LARP4: variants seen among roughly 807,000 people sequenced by gnomAD.
LARP4 encodes la-related protein 4.
In LARP4, 29 loss-of-function variants were observed where a neutral mutation model predicts 92.9. That is an observed-to-expected ratio of 0.31 (90% CI 0.23 to 0.43). The LOEUF is 0.43. LARP4 is among the 20% of genes least tolerant of loss of function. The pLI is 1.00. For missense variants in LARP4, 732 were observed against 860.0 expected (o/e 0.85, Z 1.86); for synonymous variants, 279 against 284.1 (o/e 0.98, Z 0.18).
intron 1 of LARP4, among the ~76,000 whole-genome samples, chr12:50,423,958 G>T (rs1445409380): frequency 6.6e-6 from 1 of 151,438 alleles, no homozygotes; most frequent in Non-Finnish European, 1.5e-5. Context: ...GTTTCACCAT[G>T]TTGGCCAGGC....
intron 8 of LARP4, among the ~76,000 whole-genome samples, chr12:50,452,830 T>C (rs1449558626): frequency 6.6e-6 from 1 of 152,186 alleles, no homozygotes; most frequent in Non-Finnish European, 1.5e-5. Flanking sequence ...ACAATTCGTG[T>C]ATTAGAGATA....
At chr12:50,456,015 G>A (rs531877885) in intron 10 of LARP4, among the ~76,000 whole-genome samples, 5 of 152,192 alleles carry the variant, frequency 3.3e-5, no homozygotes, top group African/African-American at 9.6e-5. Context: ...TCATACCACT[G>A]CACTCCAGCC....
At chr12:50,453,346 C>G (rs1953621871) in intron 8 of LARP4, 114 bp from the exon 9 acceptor site, 5 of 575,884 alleles carry the variant, frequency 8.7e-6, no homozygotes, top group Admixed American at 3.0e-5. Context: ...TCTACTGATT[C>G]TACTGTAGGC....
chr12:50,463,569 A>G (rs954788887), intron 12 of LARP4, among the ~76,000 whole-genome samples: 12 of 152,248 alleles, frequency 7.9e-5, no homozygotes, highest in African/African-American at 2.9e-4. Context: ...CCTGAGCAAC[A>G]GAGTGAGACT....
At chr12:50,415,986 C>T (rs745522672) in intron 1 of LARP4, among the ~76,000 whole-genome samples, 18 of 151,950 alleles carry the variant, frequency 1.2e-4, no homozygotes, top group Non-Finnish European at 8.8e-5. Flanking sequence ...GGATTATAGG[C>T]GTGAGCCACC....
chr12:50,467,331 G>GTT (rs774353872), intron 13 of LARP4, among the ~76,000 whole-genome samples: 6 of 136,630 alleles, frequency 4.4e-5, no homozygotes, highest in Admixed American at 7.3e-5. Flanking sequence ...GCATGTCTTT[G>GTT]TTTTTTTTTT....
Position 50,400,939 on chromosome 12 carries a change from C to T in LARP4, c.-72C>T. 1 of 1,605,358 alleles carries T rather than the reference C, an allele frequency of 6.2e-7. No individual in the cohort carries two copies. Among genetic ancestry groups the T allele is most frequent in the Non-Finnish European group, 8.5e-7 (1 of 1,171,988 alleles). ...AGGCGAGTGTGTGTCCTTATCCTAG[C>T]AATTGGGGCGCGGGCCTGTGAGCCA... On this transcript the variant is annotated 5_prime_UTR_variant, in exon 1 of 16. Coordinates refer to ENST00000398473, the MANE Select transcript of LARP4 (RefSeq NM_052879.5).
chr12:50,466,049 T>G (rs1377223904), intron 12 of LARP4, among the ~76,000 whole-genome samples: 6 of 152,092 alleles, frequency 3.9e-5, no homozygotes, highest in Non-Finnish European at 7.4e-5. Context: ...AAAAATGTGT[T>G]CCCAAGGAAA....
intron 5 of LARP4, 80 bp downstream of exon 5, chr12:50,435,704 T>C (rs1024632131): frequency 1.0e-6 from 1 of 988,842 alleles, no homozygotes; most frequent in African/African-American, 1.6e-5. Flanking sequence ...TATAGGGAAT[T>C]ATTTTTACTG....
chr12:50,462,562 C>A lies in LARP4; in HGVS notation c.1335-20C>A, dbSNP rs531687103. ...TTGTCCCTCCACCCCACCCCACCCCCACCTTTTTCTTATTAAAAGGAGAAC... is the reference window on the plus strand; with the variant it reads ...TTGTCCCTCCACCCCACCCCACCCCAACCTTTTTCTTATTAAAAGGAGAAC... On this transcript the variant is annotated intron_variant, in intron 11 of 15. Coordinates refer to ENST00000398473, the MANE Select transcript of LARP4 (RefSeq NM_052879.5). 2 of 1,454,608 alleles carry A rather than the reference C, an allele frequency of 1.4e-6. No homozygotes were observed. Among genetic ancestry groups the A allele is most frequent in the African/African-American group, 1.4e-5 (1 of 70,458 alleles). 90.1% of individuals were successfully genotyped at this position (1,454,608 alleles called of 1,614,324 possible). A position where few individuals can be genotyped will look rare whatever the true frequency, so the allele number is the denominator to read the frequency against.
intron 1 of LARP4, among the ~76,000 whole-genome samples, chr12:50,417,902 C>T (rs1947107347): frequency 1.3e-5 from 2 of 152,170 alleles, no homozygotes. Flanking sequence ...CTCCTGTTAC[C>T]CAGGCTGCAG....
rs1955364752 is a variant in LARP4 at position 50,461,434 on chromosome 12, G to A, written c.1334+87G>A. The A allele has an allele frequency of 3.3e-6, 4 of 1,222,338 alleles. No individual in the cohort carries two copies. The South Asian group carries it at 4.0e-5, about 12-fold the overall frequency. The allele number at this position is 1,222,338 out of a possible 1,614,324, so 75.7% of individuals were successfully genotyped here. A position where few individuals can be genotyped will look rare whatever the true frequency, so the allele number is the denominator to read the frequency against. ...AACATGATCTTCATAATAATTAAAT[G>A]AGCATTTAATTATTGGTATATGGTT... On this transcript the variant is annotated intron_variant, in intron 11 of 15. Coordinates refer to ENST00000398473, the MANE Select transcript of LARP4 (RefSeq NM_052879.5).
chr12:50,435,426 A>T, intron 4 of LARP4, 62 bp from the exon 5 acceptor site: 4 of 976,092 alleles, frequency 4.1e-6, no homozygotes, highest in Non-Finnish European at 4.8e-6. Context: ...AGTGAGTAAG[A>T]TACCTCTTGT....
At chr12:50,434,544 G>A (rs988296016) in intron 4 of LARP4, among the ~76,000 whole-genome samples, 3 of 150,380 alleles carry the variant, frequency 2.0e-5, no homozygotes, top group Admixed American at 2.0e-4. Flanking sequence ...TCAGCACCCC[G>A]AGTAGCACCC....
chr12:50,473,708 A>G (rs192922087), intron 14 of LARP4, among the ~76,000 whole-genome samples, 172 bp downstream of exon 14: 3,801 of 149,622 alleles, frequency 0.025, 150 homozygotes, highest in African/African-American at 0.089. Context: ...TCTACTAAAA[A>G]TACAAAAATT....
intron 15 of LARP4, 57 bp downstream of exon 15, chr12:50,474,224 T>G: frequency 7.2e-7 from 1 of 1,393,644 alleles, no homozygotes; most frequent in Non-Finnish European, 9.8e-7. Context: ...GATTTTTTTT[T>G]TTTTTTCACG....
chr12:50,437,852 A>G lies in LARP4; in HGVS notation c.639+14A>G. On this transcript the variant is annotated intron_variant, in intron 6 of 15. Coordinates refer to ENST00000398473, the MANE Select transcript of LARP4 (RefSeq NM_052879.5). ...ACACCAATAGAGGTAAATTATTAAT[A>G]ATTGTTAACACTAAATGTTCTCTGT... 1 of 1,411,604 alleles carries G rather than the reference A, an allele frequency of 7.1e-7. No homozygotes were observed. The highest frequency in any genetic ancestry group is 1.8e-4 in the Middle Eastern group (1 of 5,616). 87.4% of individuals were successfully genotyped at this position (1,411,604 alleles called of 1,614,324 possible). A position where few individuals can be genotyped will look rare whatever the true frequency, so the allele number is the denominator to read the frequency against.
At chr12:50,442,368 G>A (rs1305501266) in intron 8 of LARP4, among the ~76,000 whole-genome samples, 1 of 152,108 alleles carries the variant, frequency 6.6e-6, no homozygotes, top group Non-Finnish European at 1.5e-5. Context: ...TTTGATCCCT[G>A]TCTTTACATG....
rs1422146517 is a variant in LARP4 at position 50,401,100 on chromosome 12, G to C, written c.18+72G>C. The C allele has an allele frequency of 1.9e-6, 3 of 1,563,676 alleles. No homozygotes were observed. In the African/African-American group the frequency reaches 4.1e-5, roughly 21 times the overall value. On this transcript the variant is annotated intron_variant, in intron 1 of 15. Coordinates refer to ENST00000398473, the MANE Select transcript of LARP4 (RefSeq NM_052879.5). ...TGTAGAGGCGCCGGCCGGTCCCACC[G>C]CCATGTGACTTTCCGGGCCGTACAC...
Sources: gnomAD v4.1 joint callset for allele counts (sites outside exome capture counted in the v4.1 genomes callset) on GRCh38, gnomAD v4.1.1 for gene constraint, MANE v1.5 for transcripts, NCBI Gene and HGNC (gene_info 2026-07-23, HGNC 2026-07-21) for gene names.